The following HPSE2 variants were observed in gnomAD, a reference collection of about 807,000 sequenced individuals.
HPSE2 encodes inactive heparanase-2.
HPSE2 carries 38 observed loss-of-function variants against 60.5 expected under a neutral mutation model. The ratio of observed to expected loss-of-function variants is 0.63; its 90% CI spans 0.48 to 0.82. The LOEUF (loss-of-function observed/expected upper bound fraction) is 0.82. Among genes scored for constraint, HPSE2 ranks in the 40% least tolerant of loss-of-function variants. HPSE2 has a pLI of 0.00. For missense variants in HPSE2, 713 were observed against 740.4 expected, an observed-to-expected ratio of 0.96 and a Z score of 0.43; for synonymous variants, 295 against 293.2, an observed-to-expected ratio of 1.01 and a Z score of -0.06.
At chr10:99,165,951 A>G (rs1847062769) in intron 2 of HPSE2, among the ~76,000 whole-genome samples, 2 of 150,676 alleles carry the variant, frequency 1.3e-5, no homozygotes, top group Admixed American at 6.6e-5. Flanking sequence ...TCCATTATCA[A>G]CCCCTCCATT....
intron 3 of HPSE2, among the ~76,000 whole-genome samples, chr10:99,114,147 T>C (rs1844581956): frequency 6.6e-6 from 1 of 152,226 alleles, no homozygotes. Flanking sequence ...TCTTACAGGT[T>C]ATTAGCAAAA....
At chr10:98,762,297 G>T (rs980749397) in intron 3 of HPSE2, among the ~76,000 whole-genome samples, 15 of 114,082 alleles carry the variant, frequency 1.3e-4, no homozygotes, top group African/African-American at 5.3e-4. Flanking sequence ...CGGGGGTGGG[G>T]GGTGGGGGGT....
At chr10:99,289,545 A>G in the HPSE2 span, among the ~76,000 whole-genome samples, 1 of 39,054 alleles carries the variant, frequency 2.6e-5, no homozygotes, top group Non-Finnish European at 5.7e-5. Flanking sequence ...TTTTTTACTC[A>G]GTGCCAAGAG....
intron 3 of HPSE2, among the ~76,000 whole-genome samples, chr10:99,073,359 G>A (rs1842859500): frequency 6.6e-6 from 1 of 152,214 alleles, no homozygotes; most frequent in South Asian, 2.1e-4. Context: ...ATTATCCTCA[G>A]CAAACTAACA....
chr10:99,202,200 T>C (rs576131583), intron 2 of HPSE2, among the ~76,000 whole-genome samples: 2 of 152,200 alleles, frequency 1.3e-5, no homozygotes, highest in African/African-American at 2.4e-5. Context: ...TAAAACACCA[T>C]GATATACTCA....
chr10:99,299,088 C>A, the HPSE2 span, among the ~76,000 whole-genome samples: 416 of 152,190 alleles, frequency 2.7e-3, 2 homozygotes, highest in African/African-American at 9.8e-3. Flanking sequence ...CCTAGATGAA[C>A]CCCTCCTAGT....
chr10:99,101,816 C>G (rs1452422066), intron 3 of HPSE2, among the ~76,000 whole-genome samples: 1 of 152,212 alleles, frequency 6.6e-6, no homozygotes, highest in African/African-American at 2.4e-5. Context: ...AACTAGGACT[C>G]AGGATTAAGA....
intron 6 of HPSE2, among the ~76,000 whole-genome samples, chr10:98,684,894 A>C (rs1314153970): frequency 6.6e-6 from 1 of 150,528 alleles, no homozygotes; most frequent in African/African-American, 2.4e-5. Context: ...AAGGATTAAC[A>C]CTCCTAACAA....
intron 9 of HPSE2, among the ~76,000 whole-genome samples, chr10:98,539,794 G>A (rs1943402806): frequency 6.6e-6 from 1 of 151,914 alleles, no homozygotes; most frequent in Admixed American, 6.6e-5. Context: ...TTGGCACTCT[G>A]CCCTAAGCAC....
Position 99,126,882 on chromosome 10 carries a change from C to T in HPSE2, c.610+17356G>A, listed in dbSNP as rs1255094983. On this transcript the variant is annotated intron_variant, in intron 3 of 11. Transcript: ENST00000370552. This position sits in a 1 kb window ranked among gnomAD's most constrained non-coding sequence, Gnocchi z 4.0. ...CTGGGAGCCCCACTTGATAGCGAGA[C>T]CCAGAAGGGCAATAATGATCATTGC... Among the ~76,000 whole-genome samples the T allele has an allele frequency of 6.6e-6, 1 of 152,042 alleles. No individual in the cohort carries two copies. The highest frequency in any genetic ancestry group is 1.5e-5 in the Non-Finnish European group (1 of 68,000).
intron 9 of HPSE2, among the ~76,000 whole-genome samples, chr10:98,608,619 C>T (rs747667014): frequency 4.6e-5 from 7 of 152,206 alleles, no homozygotes; most frequent in South Asian, 2.1e-4. Context: ...CGGCCACTGA[C>T]GTGGAGCCAG....
At chr10:98,489,423 A>G (rs923476482) in intron 10 of HPSE2, among the ~76,000 whole-genome samples, 2 of 152,206 alleles carry the variant, frequency 1.3e-5, no homozygotes, top group Admixed American at 1.3e-4. Context: ...ACACTACCAC[A>G]TTAGGTTGTT....
intron 9 of HPSE2, among the ~76,000 whole-genome samples, chr10:98,587,609 A>G (rs757414377): frequency 1.8e-4 from 28 of 152,136 alleles, no homozygotes; most frequent in Non-Finnish European, 3.5e-4. Context: ...ATGGCTGCTA[A>G]CTCTTGAGTA....
In HPSE2 at chr10:98,874,472, CTT is replaced by C. The variant is rs530727314; in HGVS notation, c.611-130418_611-130417del. On this transcript the variant is annotated intron_variant, in intron 3 of 11. Transcript: ENST00000370552. ...TGCACATTGATTTTGTATCCTGAGACTTTGCTGAAGTTGCTTATCAGCTTAAG... is the reference window on the plus strand; with the variant it reads ...TGCACATTGATTTTGTATCCTGAGACTGCTGAAGTTGCTTATCAGCTTAAG... Among the ~76,000 whole-genome samples, 548 of 152,120 alleles carry C rather than the reference CTT, an allele frequency of 3.6e-3. 2 individuals are homozygous for C. The highest frequency in any genetic ancestry group is 0.013 in the African/African-American group (525 of 41,518).
intron 3 of HPSE2, among the ~76,000 whole-genome samples, chr10:98,946,321 C>G (rs1955182711): frequency 6.6e-6 from 1 of 151,682 alleles, no homozygotes; most frequent in Non-Finnish European, 1.5e-5. Context: ...TAAAAAGTAG[C>G]CAGGTGTGGT....
At chr10:98,849,727 A>C (rs1952121634) in intron 3 of HPSE2, among the ~76,000 whole-genome samples, 1 of 152,160 alleles carries the variant, frequency 6.6e-6, no homozygotes, top group Admixed American at 6.5e-5. Flanking sequence ...AAAGTATTTT[A>C]AGTTGGCCCT....
chr10:98,659,344 GA>G (rs1035760119), intron 6 of HPSE2, among the ~76,000 whole-genome samples: 1 of 151,642 alleles, frequency 6.6e-6, no homozygotes, highest in Non-Finnish European at 1.5e-5. Context: ...ACATTTGGTT[GA>G]AAAAAAATCC....
At chr10:98,858,015 G>T (rs185077296) in intron 3 of HPSE2, among the ~76,000 whole-genome samples, 237 of 152,250 alleles carry the variant, frequency 1.6e-3, no homozygotes, top group African/African-American at 5.3e-3. Context: ...AATATTCATG[G>T]CTATCAATAG....
At chr10:98,751,376 C>A (rs1046507118) in intron 3 of HPSE2, among the ~76,000 whole-genome samples, 1 of 152,182 alleles carries the variant, frequency 6.6e-6, no homozygotes, top group Non-Finnish European at 1.5e-5. Flanking sequence ...CAAGTGTATG[C>A]AAGTTTCACA....
Sources: gnomAD v4.1 joint callset for allele counts (sites outside exome capture counted in the v4.1 genomes callset) on GRCh38, gnomAD v4.1.1 for gene constraint, Gnocchi (gnomAD v3.1) non-coding constraint, MANE v1.5 for transcripts, NCBI Gene and HGNC (gene_info 2026-07-23, HGNC 2026-07-21) for gene names.